The following ABHD3 variants were observed in gnomAD, a reference collection of about 807,000 sequenced individuals.
ABHD3 encodes the protein abhydrolase domain containing 3, phospholipase.
Under a neutral mutation model 48.8 loss-of-function variants are expected in ABHD3, and 46 were observed. That is an observed-to-expected ratio of 0.94 (90% confidence interval 0.74 to 1.20). The LOEUF (loss-of-function observed/expected upper bound fraction) is 1.20. Among genes scored for constraint, ABHD3 ranks in the 50% most tolerant of loss-of-function variants. The pLI is 0.00. For missense variants in ABHD3, 490 were observed against 497.8 expected (o/e 0.98, Z 0.15); for synonymous variants, 192 against 183.7 (o/e 1.04, Z -0.36).
At chr18:21,683,829 G>T in intron 4 of ABHD3, 91 bp downstream of exon 4, 1 of 1,281,696 alleles carries the variant, frequency 7.8e-7, no homozygotes, top group Non-Finnish European at 1.1e-6. Context: ...CATAAACAGA[G>T]TTATTTTAAA....
intron 4 of ABHD3, among the ~76,000 whole-genome samples, chr18:21,670,925 G>A (rs1023709989): frequency 6.6e-6 from 1 of 152,110 alleles, no homozygotes; most frequent in African/African-American, 2.4e-5. Flanking sequence ...GAGGTGGGAG[G>A]ATTGCTTGAA....
At chr18:21,678,512 G>C (rs539369116) in intron 4 of ABHD3, among the ~76,000 whole-genome samples, 1 of 152,116 alleles carries the variant, frequency 6.6e-6, no homozygotes, top group African/African-American at 2.4e-5. Flanking sequence ...TGTGTCTACA[G>C]ATTTGCCTAT....
intron 3 of ABHD3, among the ~76,000 whole-genome samples, chr18:21,688,833 T>C (rs987071204): frequency 1.3e-5 from 2 of 152,128 alleles, no homozygotes; most frequent in African/African-American, 4.8e-5. Context: ...CAAGCAAAGA[T>C]ATAAGGTGAG....
intron 3 of ABHD3, among the ~76,000 whole-genome samples, chr18:21,690,359 C>G (rs570709146): frequency 6.6e-6 from 1 of 151,838 alleles, no homozygotes; most frequent in East Asian, 1.9e-4. Flanking sequence ...TACAGCACTT[C>G]GGGAGGCCGG....
intron 4 of ABHD3, among the ~76,000 whole-genome samples, chr18:21,669,088 C>T (rs1485640674): frequency 1.3e-5 from 2 of 151,946 alleles, no homozygotes; most frequent in Non-Finnish European, 2.9e-5. Flanking sequence ...CAAAAAAAAC[C>T]CACACCCAAA....
chr18:21,698,081 T>C (rs779950353), intron 3 of ABHD3, among the ~76,000 whole-genome samples: 3 of 152,170 alleles, frequency 2.0e-5, no homozygotes, highest in Non-Finnish European at 4.4e-5. Context: ...GAAACTCTCA[T>C]CTATAGCAGA....
chr18:21,681,844 T>C (rs1425507708), intron 4 of ABHD3, among the ~76,000 whole-genome samples: 1 of 152,138 alleles, frequency 6.6e-6, no homozygotes, highest in Non-Finnish European at 1.5e-5. Flanking sequence ...ATCTGTAAAA[T>C]GCAGGACAGG....
rs2146318870 is a variant in ABHD3, at chr18:21,684,061, TA to T, written c.510-97del. The T allele has an allele frequency of 2.9e-5, 31 of 1,057,292 alleles. No individual in the cohort carries two copies. In the South Asian group the frequency reaches 4.8e-4, roughly 16 times the overall value. The allele number at this position is 1,057,292 out of a possible 1,614,324, so 65.5% of individuals were successfully genotyped here. A position where few individuals can be genotyped will look rare whatever the true frequency, so the allele number is the denominator to read the frequency against. ...TCTTACTGACACTGATTTAGAGCAC[TA>T]AAAGATTTTAAAAATCTGTCTTGTA... On this transcript the variant is annotated intron_variant, in intron 3 of 8. Transcript: ENST00000289119.
At chr18:21,675,538 G>A (rs916633974) in intron 4 of ABHD3, among the ~76,000 whole-genome samples, 5 of 151,834 alleles carry the variant, frequency 3.3e-5, no homozygotes, top group Non-Finnish European at 7.4e-5. Flanking sequence ...AAGTGCTGGC[G>A]TTACAGGTAT....
In ABHD3 at chr18:21,653,077, A is replaced by AAAAAAAAG. The variant is rs772523934; in HGVS notation, c.1058-1315_1058-1314insCTTTTTTT. ...CAAAAAAAAAAAAAAAAAAAAAAAA[A>AAAAAAAAG]AAAGAGCTGGGTGTGGTGGCTCACG... On this transcript the variant is annotated intron_variant, in intron 8 of 8. Coordinates refer to ENST00000289119, the MANE Select transcript of ABHD3 (RefSeq NM_138340.5). 5.1e-3 allele frequency among the ~76,000 whole-genome samples: 391 copies of AAAAAAAAG among 76,148 alleles called. 91 individuals are homozygous for AAAAAAAAG. Among genetic ancestry groups the AAAAAAAAG allele is most frequent in the East Asian group, 0.011 (25 of 2,184 alleles). The allele number at this position is 76,148 out of a possible 152,430, so 50.0% of individuals were successfully genotyped here.
intron 3 of ABHD3, among the ~76,000 whole-genome samples, chr18:21,688,895 G>A (rs2040183720): frequency 6.6e-6 from 1 of 152,136 alleles, no homozygotes; most frequent in Non-Finnish European, 1.5e-5. Flanking sequence ...TTGAGAAGTG[G>A]TTACACGGAC....
intron 3 of ABHD3, among the ~76,000 whole-genome samples, chr18:21,689,975 A>C (rs1568159178): frequency 6.6e-6 from 1 of 152,164 alleles, no homozygotes; most frequent in African/African-American, 2.4e-5. Context: ...GACCATGAAG[A>C]AACAGGAAAA....
chr18:21,653,142 T>C (rs1349896097), intron 8 of ABHD3, among the ~76,000 whole-genome samples: 2 of 124,844 alleles, frequency 1.6e-5, no homozygotes, highest in African/African-American at 6.2e-5. Context: ...GGCAGGTGGA[T>C]CATGATGTCA....
At chr18:21,651,788 A>G (rs765559101) in intron 8 of ABHD3, 25 bp from the exon 9 acceptor site, 30 of 1,504,178 alleles carry the variant, frequency 2.0e-5, no homozygotes, top group Admixed American at 7.1e-5. Flanking sequence ...AAACATGGCA[A>G]TAAGAGAGAA....
At chr18:21,694,941 G>C (rs912731776) in intron 3 of ABHD3, among the ~76,000 whole-genome samples, 5 of 152,150 alleles carry the variant, frequency 3.3e-5, no homozygotes, top group African/African-American at 1.2e-4. Context: ...GGCACGAGCT[G>C]CTAGTCATCT....
chr18:21,686,494 T>A (rs541131352), intron 3 of ABHD3, among the ~76,000 whole-genome samples: 2 of 152,318 alleles, frequency 1.3e-5, no homozygotes, highest in South Asian at 4.1e-4. Context: ...TGCAAACTCA[T>A]GAAAAAGCAG....
At chr18:21,664,292 C>A in intron 4 of ABHD3, 62 bp from the exon 5 acceptor site, 1 of 1,509,100 alleles carries the variant, frequency 6.6e-7, no homozygotes, top group South Asian at 1.2e-5. Context: ...TTGTAAAATG[C>A]AGAAATGTAA....
intron 4 of ABHD3, chr18:21,682,519 T>C (rs991103094): frequency 1.3e-5 from 2 of 152,240 alleles, no homozygotes; most frequent in Non-Finnish European, 2.9e-5. Context: ...TTAATGGACT[T>C]GACTGTCTCT....
chr18:21,689,797 T>A (rs1259420418), intron 3 of ABHD3, among the ~76,000 whole-genome samples: 2 of 152,026 alleles, frequency 1.3e-5, no homozygotes, highest in African/African-American at 4.8e-5. Context: ...GGACAAAGAT[T>A]TCAACTGCAA....
Sources: gnomAD v4.1 joint callset for allele counts (sites outside exome capture counted in the v4.1 genomes callset) on GRCh38, gnomAD v4.1.1 for gene constraint, MANE v1.5 for transcripts, NCBI Gene and HGNC (gene_info 2026-07-23, HGNC 2026-07-21) for gene names.